The following CHST15 variants were observed in gnomAD, a reference collection of about 807,000 sequenced individuals.
CHST15 encodes carbohydrate sulfotransferase 15, also known as B cell RAG associated protein (GALNAC4S-6ST).
Under a neutral mutation model 53.6 loss-of-function variants are expected in CHST15, and 30 were observed. The observed-to-expected ratio is 0.56, with a 90% confidence interval of 0.42 to 0.76. The LOEUF is 0.76. CHST15 is among the 30% of genes least tolerant of loss of function. The pLI is 0.00. For synonymous variants in CHST15, 296 were observed against 289.8 expected (o/e 1.02, Z -0.22); for missense variants, 627 against 740.5 (o/e 0.85, Z 1.78).
In CHST15 at chr10:124,059,810, A is replaced by C. The variant is rs118179068; in HGVS notation, c.-512-13086T>G. On this transcript the variant is annotated intron_variant, in intron 1 of 7. Transcript: ENST00000435907. ...TTGTTTTATTTCCAAAGATGAGCAAAATAAGAATCTGGTTAACCCTTCAAT... is the reference window on the plus strand; with the variant it reads ...TTGTTTTATTTCCAAAGATGAGCAACATAAGAATCTGGTTAACCCTTCAAT... 4.8e-4 allele frequency among the ~76,000 whole-genome samples: 73 copies of C among 152,268 alleles called. No homozygotes were observed. The East Asian group carries it at 0.013, about 27-fold the overall frequency.
intron 7 of CHST15, chr10:124,011,025 C>T: frequency 1.0e-6 from 1 of 984,620 alleles, no homozygotes; most frequent in Non-Finnish European, 1.2e-6. Flanking sequence ...TCAGTCACCG[C>T]CACGCCCCGC....
Position 124,019,782 on chromosome 10 carries a change from G to A in CHST15, c.1347+1474C>T, listed in dbSNP as rs1946706656. On this transcript the variant is annotated intron_variant, in intron 6 of 7. Coordinates refer to ENST00000435907, the MANE Select transcript of CHST15 (RefSeq NM_001270764.2). This position sits in a 1 kb window ranked among gnomAD's most constrained non-coding sequence, Gnocchi z 4.6. ...GGGGTCCCATCTCTCTCAGGGTGAT[G>A]TCTAGACTTCTTCTGAGGCTAGACC... is the stretch of plus-strand genomic sequence containing the variant. The A allele has an allele frequency of 2.0e-6, 2 of 985,446 alleles. No homozygotes were observed. The highest frequency in any genetic ancestry group is 2.4e-6 in the Non-Finnish European group (2 of 829,932). The allele number at this position is 985,446 out of a possible 1,614,324, so 61.0% of individuals were successfully genotyped here.
Position 124,066,822 on chromosome 10 carries a change from C to T in CHST15, c.-512-20098G>A, listed in dbSNP as rs975676394. ...CAGCCACAGCTCATTTCCTGGGCTGCGTCTCCCTGTTCCCCTGAGCAACCA... is the reference window on the plus strand; with the variant it reads ...CAGCCACAGCTCATTTCCTGGGCTGTGTCTCCCTGTTCCCCTGAGCAACCA... On this transcript the variant is annotated intron_variant, in intron 1 of 7. Coordinates refer to ENST00000435907, the MANE Select transcript of CHST15 (RefSeq NM_001270764.2). 9.9e-5 allele frequency among the ~76,000 whole-genome samples: 15 copies of T among 152,224 alleles called. No individual in the cohort carries two copies. In the East Asian group the frequency reaches 1.2e-3, roughly 12 times the overall value.
chr10:124,016,362 T>C (rs2133837917), intron 6 of CHST15, among the ~76,000 whole-genome samples: 1 of 152,272 alleles, frequency 6.6e-6, no homozygotes, highest in East Asian at 1.9e-4. Flanking sequence ...AAATGAAAAT[T>C]CACCTCTATA....
chr10:124,044,493 G>T, intron 3 of CHST15, 87 bp downstream of exon 3: 1 of 1,124,636 alleles, frequency 8.9e-7, no homozygotes, highest in Non-Finnish European at 1.2e-6. Flanking sequence ...TGCCGCCCTC[G>T]CCCCCCAACC....
At chr10:124,037,909 G>T (rs1003540487) in intron 5 of CHST15, among the ~76,000 whole-genome samples, 1 of 152,102 alleles carries the variant, frequency 6.6e-6, no homozygotes, top group Non-Finnish European at 1.5e-5. Context: ...TGTTTCCCTC[G>T]CCTTGACAGT....
intron 5 of CHST15, among the ~76,000 whole-genome samples, chr10:124,023,687 G>A (rs558889577): frequency 6.6e-6 from 1 of 151,996 alleles, no homozygotes; most frequent in African/African-American, 2.4e-5. Flanking sequence ...CATGGCCTAC[G>A]TGGCTCCACA....
At chr10:124,027,243 G>A (rs1390834825) in intron 5 of CHST15, among the ~76,000 whole-genome samples, 1 of 152,150 alleles carries the variant, frequency 6.6e-6, no homozygotes, top group Admixed American at 6.5e-5. Context: ...CAGTGCAGGG[G>A]TCCTGGGACC....
chr10:124,029,769 C>T (rs114340410), intron 5 of CHST15, among the ~76,000 whole-genome samples: 407 of 152,288 alleles, frequency 2.7e-3, no homozygotes, highest in African/African-American at 9.3e-3. Flanking sequence ...CACACCGGGG[C>T]GGGGCCAGTA....
rs778681453 is a variant in CHST15 at position 124,010,152 on chromosome 10, C to A, written c.1683G>T (p.Thr561=). The A allele has an allele frequency of 2.0e-5, 32 of 1,612,524 alleles. No individual in the cohort carries two copies. Among genetic ancestry groups the A allele is most frequent in the Non-Finnish European group, 2.6e-5 (31 of 1,180,048 alleles). The change falls in exon 8 of 8, where the codon ACG becomes ACT. Residue 561 remains threonine (T), a synonymous_variant. Transcript: ENST00000435907. The stretch of plus-strand genomic sequence containing the variant: ...ACGTGCAGCAACAATTCAGCTCTCA[C>A]GTCGTCTTCCACGCAAACGCCTCAT... ...LADEAFAWKT[T]
chr10:124,085,878 C>T (rs1949406102), intron 1 of CHST15, among the ~76,000 whole-genome samples: 1 of 152,136 alleles, frequency 6.6e-6, no homozygotes, highest in African/African-American at 2.4e-5. Flanking sequence ...ATGAAGTAGG[C>T]AAATGTGGGG....
At chr10:124,064,502 G>A (rs892458410) in intron 1 of CHST15, among the ~76,000 whole-genome samples, 1 of 152,176 alleles carries the variant, frequency 6.6e-6, no homozygotes, top group Non-Finnish European at 1.5e-5. Flanking sequence ...CCCTGGCGCT[G>A]TGGGGCTTGC....
chr10:124,038,843 C>T (rs1402640682), intron 4 of CHST15, among the ~76,000 whole-genome samples, 172 bp from the exon 5 acceptor site: 3 of 151,042 alleles, frequency 2.0e-5, no homozygotes, highest in Admixed American at 2.0e-4. Context: ...AGGTTGGATG[C>T]CCCCCCCTGC....
intron 5 of CHST15, among the ~76,000 whole-genome samples, chr10:124,034,603 C>T (rs1947355600): frequency 6.6e-6 from 1 of 150,444 alleles, no homozygotes; most frequent in Non-Finnish European, 1.5e-5. Context: ...GGCTCCACCC[C>T]CTAACAGGGA....
chr10:124,082,815 C>T (rs1020465108), intron 1 of CHST15, among the ~76,000 whole-genome samples: 4 of 152,202 alleles, frequency 2.6e-5, no homozygotes, highest in African/African-American at 9.7e-5. Flanking sequence ...AAGCCAGTCA[C>T]AAAAGACCTC....
chr10:124,066,435 C>G (rs946486905), intron 1 of CHST15, among the ~76,000 whole-genome samples: 6 of 150,852 alleles, frequency 4.0e-5, no homozygotes, highest in Non-Finnish European at 7.4e-5. Flanking sequence ...CCCACACCTC[C>G]TCTTATGTAA....
chr10:124,065,734 A>G (rs1021149912), intron 1 of CHST15, among the ~76,000 whole-genome samples: 2 of 152,156 alleles, frequency 1.3e-5, no homozygotes, highest in Admixed American at 1.3e-4. Context: ...TGCCAAAATG[A>G]TATGTCTCAG....
intron 5 of CHST15, among the ~76,000 whole-genome samples, chr10:124,026,453 T>C (rs1947014398): frequency 6.6e-6 from 1 of 152,132 alleles, no homozygotes; most frequent in African/African-American, 2.4e-5. Flanking sequence ...CAAGAACAAG[T>C]ATCCACTGGA....
chr10:124,066,138 T>G (rs972729808), intron 1 of CHST15, among the ~76,000 whole-genome samples: 2 of 152,158 alleles, frequency 1.3e-5, no homozygotes, highest in African/African-American at 4.8e-5. Context: ...ATAAAATGAG[T>G]GCCTCCATTT....
Sources: gnomAD v4.1 joint callset for allele counts (sites outside exome capture counted in the v4.1 genomes callset) on GRCh38, gnomAD v4.1.1 for gene constraint, Gnocchi (gnomAD v3.1) non-coding constraint, MANE v1.5 for transcripts, NCBI Gene and HGNC (gene_info 2026-07-23, HGNC 2026-07-21) for gene names.